AFMID: variants seen among roughly 807,000 people sequenced by gnomAD.
AFMID encodes the protein arylformamidase, also known as kynurenine formamidase.
AFMID carries 39 observed loss-of-function variants against 47.5 expected under a neutral mutation model. The ratio of observed to expected loss-of-function variants is 0.82; its 90% CI spans 0.64 to 1.07. The LOEUF (loss-of-function observed/expected upper bound fraction) is 1.07, where lower values mean the gene tolerates loss of function less well. AFMID is among the 50% of genes least tolerant of loss of function. The probability of loss-of-function intolerance (pLI) is 0.00; values close to 1 mark genes in which losing one functional copy is unlikely to be tolerated. For synonymous variants in AFMID, 130 were observed against 153.2 expected (o/e 0.85, Z 1.12); for missense variants, 375 against 387.5 (o/e 0.97, Z 0.27).
intron 10 of AFMID, among the ~76,000 whole-genome samples, chr17:78,206,364 C>T (rs1049081966): frequency 6.8e-6 from 1 of 147,256 alleles, no homozygotes; most frequent in Non-Finnish European, 1.5e-5. Context: ...AAAAAAAGAC[C>T]TGAGAACCTA....
At chr17:78,206,125 C>T (rs1599018672) in intron 10 of AFMID, 75 bp downstream of exon 10, 2 of 1,341,804 alleles carry the variant, frequency 1.5e-6, no homozygotes, top group East Asian at 4.7e-5. Context: ...ATGTGCAAAC[C>T]AGGAGTTCAA....
chr17:78,206,434 C>T (rs2076385234), intron 10 of AFMID, among the ~76,000 whole-genome samples: 1 of 148,242 alleles, frequency 6.7e-6, no homozygotes, highest in African/African-American at 2.5e-5. Context: ...TCTTTAGAGA[C>T]AGGGTCTCCT....
intron 7 of AFMID, 105 bp downstream of exon 7, chr17:78,205,295 G>A (rs1043984177): frequency 3.7e-5 from 52 of 1,412,742 alleles, no homozygotes; most frequent in East Asian, 1.8e-4. Context: ...TGGCTTGACC[G>A]CAGGGCTTCG....
intron 10 of AFMID, 116 bp from the exon 11 acceptor site, chr17:78,206,795 G>T: frequency 9.3e-7 from 1 of 1,078,566 alleles, no homozygotes; most frequent in Non-Finnish European, 1.4e-6. Flanking sequence ...GCCTCCCGAA[G>T]GGTTGGGGTT....
Position 78,190,984 on chromosome 17 carries a change from G to A in AFMID, c.78G>A (p.Gln26=). Residue 26 remains glutamine (Q), a synonymous_variant, in exon 2 of 11, where the codon CAG becomes CAA. Transcript: ENST00000409257. ...GTGCCCTGCAGGAGCTGGAGAATCAGTACTGTCCCAGCCGATGGGTTGTCC... is the reference window on the plus strand; with the variant it reads ...GTGCCCTGCAGGAGCTGGAGAATCAATACTGTCCCAGCCGATGGGTTGTCC... ...KKMSAEELEN[Q]YCPSRWVVRL... 1 of 1,613,844 alleles carries A rather than the reference G, an allele frequency of 6.2e-7. No homozygotes were observed. The highest frequency in any genetic ancestry group is 1.3e-5 in the African/African-American group (1 of 75,026).
chr17:78,205,666 C>T lies in AFMID; in HGVS notation c.708C>T (p.Thr236=). Residue 236 remains threonine (T), a synonymous_variant, in exon 9 of 11, where the codon ACC becomes ACT. Transcript: ENST00000409257. ...CCCAGGCACAGCCGGTGGACCCCAC[C>T]TGCCGTGTGCTGGTGGTCGTGGGCC... The part of the protein sequence containing the change: ...KVAQAQPVDP[T]CRVLVVVGQF... The T allele has an allele frequency of 6.2e-7, 1 of 1,613,676 alleles. No individual in the cohort carries two copies. Among genetic ancestry groups the T allele is most frequent in the Non-Finnish European group, 8.5e-7 (1 of 1,180,010 alleles).
At chr17:78,189,220 T>A (rs2075892325) in intron 1 of AFMID, among the ~76,000 whole-genome samples, 1 of 89,144 alleles carries the variant, frequency 1.1e-5, no homozygotes, top group African/African-American at 6.2e-5. Flanking sequence ...TCCTTGTTAC[T>A]TTTTTTTTTT....
chr17:78,196,916 T>TG (rs562682259), intron 2 of AFMID, among the ~76,000 whole-genome samples: 35 of 152,168 alleles, frequency 2.3e-4, no homozygotes, highest in South Asian at 2.1e-3. Context: ...GGGCCCTCTG[T>TG]GGGGGGCATG....
At chr17:78,200,425 G>C (rs979020164) in intron 2 of AFMID, among the ~76,000 whole-genome samples, 1 of 152,158 alleles carries the variant, frequency 6.6e-6, no homozygotes. Context: ...GTAACCAGCT[G>C]GGATTGCAGG....
At chr17:78,201,495 C>G (rs1287938929) in intron 2 of AFMID, among the ~76,000 whole-genome samples, 1 of 151,934 alleles carries the variant, frequency 6.6e-6, no homozygotes, top group African/African-American at 2.4e-5. Context: ...GGCACGGGCC[C>G]ATAATCCCAG....
chr17:78,196,627 C>T (rs575514104), intron 2 of AFMID, among the ~76,000 whole-genome samples: 6 of 151,848 alleles, frequency 4.0e-5, no homozygotes, highest in Admixed American at 2.6e-4. Context: ...TGCAGTGAGT[C>T]GAGACCACGC....
chr17:78,200,193 T>C (rs2076212132), intron 2 of AFMID, among the ~76,000 whole-genome samples: 1 of 152,206 alleles, frequency 6.6e-6, no homozygotes, highest in Non-Finnish European at 1.5e-5. Context: ...TCTTGCTCTG[T>C]CGCCCAGGCT....
chr17:78,192,806 G>A (rs990232616), intron 2 of AFMID: 1 of 338,844 alleles, frequency 3.0e-6, no homozygotes, highest in Non-Finnish European at 6.4e-6. Flanking sequence ...AGCCAACCAT[G>A]CTTGGCAAAT....
intron 2 of AFMID, among the ~76,000 whole-genome samples, chr17:78,201,764 T>C (rs906698330): frequency 1.3e-5 from 2 of 151,884 alleles, no homozygotes; most frequent in Non-Finnish European, 2.9e-5. Flanking sequence ...GGCGTCTCGC[T>C]CTGTCCCCCA....
chr17:78,205,914 C>T, intron 9 of AFMID, 32 bp from the exon 10 acceptor site: 9 of 1,609,108 alleles, frequency 5.6e-6, no homozygotes, highest in Non-Finnish European at 7.7e-6. Flanking sequence ...TCCCACTGCT[C>T]AGGCCCCTCT....
chr17:78,194,384 G>A (rs911634486), intron 2 of AFMID, among the ~76,000 whole-genome samples: 1 of 152,154 alleles, frequency 6.6e-6, no homozygotes, highest in Non-Finnish European at 1.5e-5. Flanking sequence ...CTCCCAAAGT[G>A]CTGGGATTAT....
intron 2 of AFMID, among the ~76,000 whole-genome samples, chr17:78,196,615 G>A (rs561690872): frequency 2.0e-5 from 3 of 152,160 alleles, no homozygotes; most frequent in Admixed American, 2.0e-4. Flanking sequence ...GGTTGGGGAG[G>A]TTGCAGTGAG....
intron 2 of AFMID, among the ~76,000 whole-genome samples, chr17:78,191,300 G>T (rs2075962443): frequency 6.6e-6 from 1 of 152,140 alleles, no homozygotes; most frequent in East Asian, 1.9e-4. Flanking sequence ...ACCATGCCTG[G>T]CCTTTCTTGC....
chr17:78,202,215 G>A (rs1427992211), intron 2 of AFMID, among the ~76,000 whole-genome samples: 1 of 150,296 alleles, frequency 6.7e-6, no homozygotes, highest in East Asian at 2.0e-4. Context: ...ACGAGGTCAG[G>A]AGTTCAAGAC....
Sources: allele counts gnomAD v4.1 joint callset (sites outside exome capture counted in the v4.1 genomes callset), GRCh38; gene constraint gnomAD v4.1.1; transcripts MANE v1.5; gene names NCBI Gene and HGNC (gene_info 2026-07-23, HGNC 2026-07-21).